Variants in MCF2L2 observed in about 807,000 individuals in gnomAD.
The protein encoded by MCF2L2 is probable guanine nucleotide exchange factor MCF2L2.
A neutral mutation model predicts 150.2 loss-of-function variants in MCF2L2; 102 were observed. That is an observed-to-expected ratio of 0.68 (90% CI 0.58 to 0.80). MCF2L2 has a LOEUF of 0.80. Among genes scored for constraint, MCF2L2 ranks in the 30% least tolerant of loss-of-function variants. The probability of loss-of-function intolerance (pLI) is 0.00; values close to 1 mark genes in which losing one functional copy is unlikely to be tolerated. For synonymous variants in MCF2L2, 465 were observed against 491.3 expected (o/e 0.95, Z 0.71); for missense variants, 1,256 against 1,372.8 (o/e 0.91, Z 1.34).
intron 4 of MCF2L2, 151 bp from the exon 5 acceptor site, chr3:183,339,070 G>A (rs1730603896): frequency 3.0e-6 from 2 of 660,850 alleles, no homozygotes; most frequent in Non-Finnish European, 2.3e-6. Context: ...AGATTTCAGG[G>A]CTAAAAGAGA....
At chr3:183,195,282 C>A in intron 25 of MCF2L2, 27 bp from the exon 26 acceptor site, 1 of 1,570,636 alleles carries the variant, frequency 6.4e-7, no homozygotes, top group Non-Finnish European at 8.7e-7. Context: ...CAAAAAACAG[C>A]ACTCTCAAAT....
chr3:183,179,468 G>C lies in MCF2L2; in HGVS notation c.3257C>G (p.Ala1086Gly), dbSNP rs1428109089. The C allele has an allele frequency of 6.3e-7, 1 of 1,599,892 alleles. No individual in the cohort carries two copies. The change falls in exon 30 of 30, where the codon GCG becomes GGG. Residue 1086 changes from alanine (A) to glycine (G), a missense_variant. Physicochemically the swap from Ala to Gly is moderately conservative, Grantham distance 60. Transcript: ENST00000328913. The surrounding 1 kb of genome is among the most constrained non-coding windows in gnomAD (Gnocchi z 4.2). ...TRSTEEERAG[A>G]STGRLAPAGA... Reference sequence around the variant, plus strand: ...CGCAGGAGCCAGCCGGCCCGTGGACGCCCCAGCGCGCTCCTCCTCGGTGCT... The same window carrying C: ...CGCAGGAGCCAGCCGGCCCGTGGACCCCCCAGCGCGCTCCTCCTCGGTGCT...
intron 7 of MCF2L2, among the ~76,000 whole-genome samples, chr3:183,315,291 A>G (rs1389206828): frequency 6.6e-6 from 1 of 152,142 alleles, no homozygotes; most frequent in Non-Finnish European, 1.5e-5. Flanking sequence ...AATAAAGATA[A>G]TATTTTAAAT....
intron 15 of MCF2L2, among the ~76,000 whole-genome samples, chr3:183,261,127 G>A (rs1725539678): frequency 6.6e-6 from 1 of 152,088 alleles, no homozygotes. Flanking sequence ...AACAGACTAG[G>A]CAATTAGTAC....
intron 5 of MCF2L2, among the ~76,000 whole-genome samples, chr3:183,326,297 G>A (rs1307561168): frequency 6.6e-6 from 1 of 151,906 alleles, no homozygotes; most frequent in Non-Finnish European, 1.5e-5. Context: ...TTCGAGACTA[G>A]CCTGGCCAAC....
intron 15 of MCF2L2, 130 bp from the exon 16 acceptor site, chr3:183,231,147 G>T: frequency 4.1e-6 from 3 of 738,070 alleles, no homozygotes; most frequent in South Asian, 1.5e-5. Flanking sequence ...CTTAGTTTCT[G>T]GTCAGTTCAT....
At position 183,267,250 on chromosome 3, in the gene MCF2L2, G is replaced by A. The variant is rs1328584763; in HGVS notation, c.1862+9622C>T. Among the ~76,000 whole-genome samples the A allele has an allele frequency of 1.3e-5, 2 of 152,196 alleles. No homozygotes were observed. Among genetic ancestry groups the A allele is most frequent in the Non-Finnish European group, 2.9e-5 (2 of 68,040 alleles). Reference sequence around the variant, plus strand: ...TGCTGGTTGTGGCTTCCTAAGTGGTGCGTGCAGTTTTCAAATCAATGCCCT... The same window carrying A: ...TGCTGGTTGTGGCTTCCTAAGTGGTACGTGCAGTTTTCAAATCAATGCCCT... On this transcript the variant is annotated intron_variant, in intron 15 of 29. Transcript: ENST00000328913. The surrounding 1 kb of genome is among the most constrained non-coding windows in gnomAD (Gnocchi z 5.5).
chr3:183,213,378 T>G (rs1368821693), intron 22 of MCF2L2, among the ~76,000 whole-genome samples: 1 of 152,102 alleles, frequency 6.6e-6, no homozygotes, highest in Non-Finnish European at 1.5e-5. Flanking sequence ...CAGGACTAAT[T>G]GAGTACACAG....
intron 1 of MCF2L2, among the ~76,000 whole-genome samples, chr3:183,414,434 T>C (rs1468941697): frequency 6.6e-6 from 1 of 152,200 alleles, no homozygotes; most frequent in African/African-American, 2.4e-5. Flanking sequence ...GTCCCCTCTT[T>C]CATTCAAGTC....
At chr3:183,302,563 A>G (rs1043558859) in intron 10 of MCF2L2, among the ~76,000 whole-genome samples, 1 of 152,142 alleles carries the variant, frequency 6.6e-6, no homozygotes, top group African/African-American at 2.4e-5. Context: ...GATCTCGATC[A>G]TGTTTTTGAA....
rs930258023 is a variant in MCF2L2 at position 183,187,583 on chromosome 3, C to A, written c.3016+5416G>T. On this transcript the variant is annotated intron_variant, in intron 27 of 29. Coordinates refer to ENST00000328913, the MANE Select transcript of MCF2L2 (RefSeq NM_015078.4). ...TCCTGAGTCCAAGTGATTCTCCTGCCTCAGCCTCCCGAGTAGCTGGGACGA... is the reference window on the plus strand; with the variant it reads ...TCCTGAGTCCAAGTGATTCTCCTGCATCAGCCTCCCGAGTAGCTGGGACGA... Among the ~76,000 whole-genome samples, 12 of 152,266 alleles carry A rather than the reference C, an allele frequency of 7.9e-5. No individual in the cohort carries two copies. The Middle Eastern group carries it at 0.01, about 129-fold the overall frequency.
At position 183,270,257 on chromosome 3, in the gene MCF2L2, C is replaced by A. The variant is rs1002571616; in HGVS notation, c.1862+6615G>T. ...AACTGGCTTGGGAAGATCAAAGGTA[C>A]AATGATATAATTCAGCAAGACTTTG... On this transcript the variant is annotated intron_variant, in intron 15 of 29. Coordinates refer to ENST00000328913, the MANE Select transcript of MCF2L2 (RefSeq NM_015078.4). The surrounding 1 kb of genome is among the most constrained non-coding windows in gnomAD (Gnocchi z 4.5). The A allele has an allele frequency of 1.9e-6, 3 of 1,613,976 alleles. No homozygotes were observed. Among genetic ancestry groups the A allele is most frequent in the Non-Finnish European group, 2.5e-6 (3 of 1,179,972 alleles).
chr3:183,379,953 T>C (rs999506620), intron 2 of MCF2L2, among the ~76,000 whole-genome samples: 3 of 151,950 alleles, frequency 2.0e-5, no homozygotes, highest in Admixed American at 2.0e-4. Context: ...TGTACCTACA[T>C]GGTAAGGTGA....
chr3:183,276,892 G>A lies in MCF2L2; in HGVS notation c.1842C>T (p.Leu614=), dbSNP rs376891180. The A allele has an allele frequency of 3.0e-5, 48 of 1,610,396 alleles. No homozygotes were observed. In the Admixed American group the frequency reaches 3.8e-4, roughly 13 times the overall value. ...GNPELEQQAR[L]GDLSPRRRII... ...CTTACCTGCGGGGGGAAAGGTCTCC[G>A]AGCCTGGCCTGCTGCTCCAGCTCAG... Residue 614 remains leucine (L), a synonymous_variant, in exon 15 of 30, where the codon CTC becomes CTT. Transcript: ENST00000328913.
chr3:183,389,885 T>C, intron 1 of MCF2L2, 106 bp from the exon 2 acceptor site: 1 of 839,970 alleles, frequency 1.2e-6, no homozygotes, highest in Non-Finnish European at 2.0e-6. Flanking sequence ...CTGGGACTTA[T>C]CAAGAGACGG....
chr3:183,209,019 C>T (rs775821355), intron 22 of MCF2L2, among the ~76,000 whole-genome samples: 2 of 135,412 alleles, frequency 1.5e-5, no homozygotes, highest in African/African-American at 5.0e-5. Context: ...ATAAAACCCT[C>T]AAACTCCCAG....
rs771430349 is a variant in MCF2L2, at chr3:183,379,346, G to A, written c.226C>T (p.Pro76Ser). 2.5e-6 allele frequency: 4 copies of A among 1,610,802 alleles called. No homozygotes were observed. Among genetic ancestry groups the A allele is most frequent in the East Asian group, 2.2e-5 (1 of 44,522 alleles). Residue 76 changes from proline to serine, a missense_variant, in exon 3 of 30, where the codon CCA becomes TCA. Physicochemically the swap from Pro to Ser is moderately conservative, Grantham distance 74 (BLOSUM62 -1). Coordinates refer to ENST00000328913, the MANE Select transcript of MCF2L2 (RefSeq NM_015078.4). ...ATGACATTCAGGAAGTCTTCATCTG[G>A]GATGTGTTTGAACCCCGAAAACTCT... ...FPEFSGFKHI[P>S]DEDFLNVMTY...
intron 23 of MCF2L2, among the ~76,000 whole-genome samples, chr3:183,206,941 G>A (rs1319263005): frequency 6.6e-5 from 3 of 45,446 alleles, no homozygotes; most frequent in African/African-American, 1.9e-4. Flanking sequence ...AAGGAAGGAA[G>A]GAAGGAAGGA....
At chr3:183,233,360 AAAT>A (rs1433575460) in intron 15 of MCF2L2, among the ~76,000 whole-genome samples, 2 of 150,660 alleles carry the variant, frequency 1.3e-5, no homozygotes, top group East Asian at 1.9e-4. Flanking sequence ...CTCAAAAAAA[AAAT>A]ATATATATAC....
Sources: gnomAD v4.1 joint callset for allele counts (sites outside exome capture counted in the v4.1 genomes callset) on GRCh38, gnomAD v4.1.1 for gene constraint, Gnocchi (gnomAD v3.1) non-coding constraint, MANE v1.5 for transcripts, NCBI Gene and HGNC (gene_info 2026-07-23, HGNC 2026-07-21) for gene names.